The following KDM2B variants were observed in gnomAD, a reference collection of about 807,000 sequenced individuals.
The protein encoded by KDM2B is lysine demethylase 2B.
A neutral mutation model predicts 150.0 loss-of-function variants in KDM2B; 26 were observed. The observed-to-expected ratio is 0.17, with a 90% CI of 0.13 to 0.24. KDM2B has a LOEUF of 0.24. Among genes scored for constraint, KDM2B ranks in the 10% least tolerant of loss-of-function variants. KDM2B has a pLI of 1.00. For synonymous variants in KDM2B, 734 were observed against 729.5 expected, an observed-to-expected ratio of 1.01 and a Z score of -0.10; for missense variants, 1,265 against 1,816.9, an observed-to-expected ratio of 0.70 and a Z score of 5.52.
At chr12:121,458,112 G>C (rs1265403929) in intron 12 of KDM2B, among the ~76,000 whole-genome samples, 1 of 152,228 alleles carries the variant, frequency 6.6e-6, no homozygotes, top group Non-Finnish European at 1.5e-5. Context: ...GCTGGGCACA[G>C]TGGCTCACCC....
chr12:121,579,989 GAAAA>G (rs35855511), intron 1 of KDM2B: 1,656 of 1,202,792 alleles, frequency 1.4e-3, no homozygotes, highest in Middle Eastern at 4.2e-3. Context: ...TACAGATTTG[GAAAA>G]AAAAAAAAAA....
chr12:121,435,552 A>C (rs1873845928), intron 22 of KDM2B, among the ~76,000 whole-genome samples: 2 of 152,186 alleles, frequency 1.3e-5, no homozygotes. Flanking sequence ...TTCAAGGAGC[A>C]GTAAGATGTC....
In KDM2B at chr12:121,533,443, C is replaced by G. The variant is rs1291815923; in HGVS notation, c.778-484G>C. On this transcript the variant is annotated intron_variant, in intron 7 of 22. Transcript: ENST00000377071. This position sits in a 1 kb window ranked among gnomAD's most constrained non-coding sequence, Gnocchi z 4.1. ...AAACAAACGCACATGCAGACCCAGC[C>G]AAGCAGGGTGGCACAGGCTTATTTT... is the stretch of plus-strand genomic sequence containing the variant. Among the ~76,000 whole-genome samples, 1 of 152,134 alleles carries G rather than the reference C, an allele frequency of 6.6e-6. No individual in the cohort carries two copies.
chr12:121,433,053 G>T, intron 22 of KDM2B: 1 of 444,082 alleles, frequency 2.3e-6, no homozygotes, highest in Non-Finnish European at 4.5e-6. Flanking sequence ...TGTGAAGTGA[G>T]ACCTGGAGGC....
chr12:121,548,696 G>A (rs374192984), intron 6 of KDM2B, among the ~76,000 whole-genome samples, 181 bp downstream of exon 6: 14 of 152,264 alleles, frequency 9.2e-5, no homozygotes, highest in African/African-American at 2.2e-4. Flanking sequence ...CTGCACACGC[G>A]AAGGACCCCG....
intron 10 of KDM2B, among the ~76,000 whole-genome samples, chr12:121,510,309 T>C (rs1885470756): frequency 6.6e-6 from 1 of 152,220 alleles, no homozygotes; most frequent in Non-Finnish European, 1.5e-5. Context: ...ACAGTCTTGC[T>C]CAGTTGCCGA....
intron 4 of KDM2B, among the ~76,000 whole-genome samples, chr12:121,561,517 C>A (rs1045294971): frequency 2.6e-5 from 4 of 152,142 alleles, no homozygotes; most frequent in Non-Finnish European, 5.9e-5. Context: ...TACAGGGGTG[C>A]ACCATGGCGC....
intron 2 of KDM2B, among the ~76,000 whole-genome samples, chr12:121,577,327 G>T (rs1180072668): frequency 1.3e-5 from 2 of 152,082 alleles, no homozygotes; most frequent in African/African-American, 4.8e-5. Context: ...GGAAGAGTTT[G>T]CATATTGTTT....
At chr12:121,441,523 G>A (rs566322573) in intron 19 of KDM2B, among the ~76,000 whole-genome samples, 3 of 152,174 alleles carry the variant, frequency 2.0e-5, no homozygotes, top group African/African-American at 4.8e-5. Context: ...CACAACCTCC[G>A]TCTCCCAGGT....
At chr12:121,567,972 G>A (rs1890830250) in intron 4 of KDM2B, among the ~76,000 whole-genome samples, 4 of 151,670 alleles carry the variant, frequency 2.6e-5, no homozygotes, top group Admixed American at 6.6e-5. Flanking sequence ...TAGGTGATCC[G>A]CCCACCTCAG....
At chr12:121,459,393 G>C (rs1219534269) in intron 12 of KDM2B, among the ~76,000 whole-genome samples, 2 of 152,128 alleles carry the variant, frequency 1.3e-5, no homozygotes, top group Non-Finnish European at 2.9e-5. Context: ...ATGGATCAAA[G>C]ACCTAAACAC....
Position 121,545,263 on chromosome 12 carries a change from C to T in KDM2B, c.683+3614G>A, listed in dbSNP as rs76771647. Among the ~76,000 whole-genome samples, 1,053 of 152,168 alleles carry T rather than the reference C, an allele frequency of 6.9e-3. 18 individuals are homozygous for T. The highest frequency in any genetic ancestry group is 0.024 in the African/African-American group (985 of 41,518). ...TGACAATTTCCTTCCTAACGAGGTT[C>T]GAATCCTCTAACCAGTTCCCATGAC... On this transcript the variant is annotated intron_variant, in intron 6 of 22. Transcript: ENST00000377071.
At chr12:121,542,035 C>T (rs2141828914) in intron 6 of KDM2B, among the ~76,000 whole-genome samples, 1 of 152,246 alleles carries the variant, frequency 6.6e-6, no homozygotes, top group African/African-American at 2.4e-5. Flanking sequence ...ATGAGCTGGA[C>T]TTAGTGATTT....
At chr12:121,531,110 C>T (rs181603753) in intron 8 of KDM2B, among the ~76,000 whole-genome samples, 9 of 152,076 alleles carry the variant, frequency 5.9e-5, no homozygotes, top group Non-Finnish European at 1.3e-4. Flanking sequence ...ACCTCCTTCC[C>T]GAGTCTCCAC....
intron 13 of KDM2B, among the ~76,000 whole-genome samples, chr12:121,450,978 A>C (rs1877168303): frequency 6.6e-6 from 1 of 152,202 alleles, no homozygotes; most frequent in Non-Finnish European, 1.5e-5. Context: ...TAGAATCGTC[A>C]TATGACCCAG....
At position 121,516,436 on chromosome 12, in the gene KDM2B, C is replaced by T. The variant is rs371531405; in HGVS notation, c.1048-3034G>A. 72 of 1,271,662 alleles carry T rather than the reference C, an allele frequency of 5.7e-5. 3 individuals are homozygous for T. In the East Asian group the frequency reaches 6.9e-4, roughly 12 times the overall value. The allele number at this position is 1,271,662 out of a possible 1,614,324, so 78.8% of individuals were successfully genotyped here. A position where few individuals can be genotyped will look rare whatever the true frequency, so the allele number is the denominator to read the frequency against. Reference sequence around the variant, plus strand: ...TATTTTTTTTTCCAAGAGAGGACTGCGGGAAACAAAAATTTGCAAAGAATT... The same window carrying T: ...TATTTTTTTTTCCAAGAGAGGACTGTGGGAAACAAAAATTTGCAAAGAATT... On this transcript the variant is annotated intron_variant, in intron 9 of 22. Transcript: ENST00000377071.
intron 4 of KDM2B, among the ~76,000 whole-genome samples, chr12:121,572,105 G>A (rs960596357): frequency 6.6e-6 from 1 of 152,152 alleles, no homozygotes; most frequent in Admixed American, 6.5e-5. Flanking sequence ...GGCTAAGGTG[G>A]GCGGATCGCT....
At chr12:121,456,211 GAGGGGCCCAC>G (rs1878209880) in intron 12 of KDM2B, among the ~76,000 whole-genome samples, 1 of 152,196 alleles carries the variant, frequency 6.6e-6, no homozygotes, top group African/African-American at 2.4e-5. Flanking sequence ...GAAGTGCAGC[GAGGGGCCCAC>G]AGACCCACTG....
the KDM2B span, chr12:121,416,162 G>A: frequency 1.2e-6 from 2 of 1,613,438 alleles, no homozygotes; most frequent in Non-Finnish European, 1.7e-6. Flanking sequence ...TTTTTAGGCG[G>A]GTGCCACGTC....
Sources: allele counts gnomAD v4.1 joint callset (sites outside exome capture counted in the v4.1 genomes callset), GRCh38; gene constraint gnomAD v4.1.1; non-coding constraint Gnocchi (gnomAD v3.1); transcripts MANE v1.5; gene names NCBI Gene and HGNC (gene_info 2026-07-23, HGNC 2026-07-21).